DSP: variants seen among roughly 807,000 people sequenced by gnomAD.
DSP encodes desmoplakin, also known as 250/210 kDa paraneoplastic pemphigus antigen.
DSP carries 114 observed loss-of-function variants against 290.6 expected under a neutral mutation model. That is an observed-to-expected ratio of 0.39 (90% CI 0.34 to 0.46). The LOEUF (loss-of-function observed/expected upper bound fraction) is 0.46. DSP is among the 20% of genes least tolerant of loss of function. The pLI is 0.99. For missense variants in DSP, 3,230 were observed against 3,495.8 expected, an observed-to-expected ratio of 0.92 and a Z score of 1.92; for synonymous variants, 1,311 against 1,316.4, an observed-to-expected ratio of 1.00 and a Z score of 0.09.
At chr6:7,548,097 TCTCTAC>T (rs1198052278) in intron 1 of DSP, among the ~76,000 whole-genome samples, 12 of 151,974 alleles carry the variant, frequency 7.9e-5, no homozygotes, top group Admixed American at 5.2e-4. Context: ...TGAAACCCCG[TCTCTAC>T]TAAAAATACA....
At position 7,563,867 on chromosome 6, in the gene DSP, TGGC is replaced by T. The variant is rs545119318; in HGVS notation, c.777+84_777+86del. 272 of 1,293,076 alleles carry T rather than the reference TGGC, an allele frequency of 2.1e-4. No homozygotes were observed. In the East Asian group the frequency reaches 5.6e-3, roughly 27 times the overall value. The allele number at this position is 1,293,076 out of a possible 1,614,324, so 80.1% of individuals were successfully genotyped here. On this transcript the variant is annotated intron_variant, in intron 6 of 23. Coordinates refer to ENST00000379802, the MANE Select transcript of DSP (RefSeq NM_004415.4). The stretch of plus-strand genomic sequence containing the variant: ...AGTTCAAGAAATATCAAGCACATCC[TGGC>T]GGGGAGGCACCTGTTCATCGATGCT...
intron 1 of DSP, among the ~76,000 whole-genome samples, chr6:7,552,659 GTTGT>G (rs145189307): frequency 0.15 from 18,706 of 127,828 alleles, 1,461 homozygotes; most frequent in African/African-American, 0.27. Flanking sequence ...AAAGTTACCT[GTTGT>G]TTTTTTTTTT....
chr6:7,568,394 A>G, intron 10 of DSP, 43 bp from the exon 11 acceptor site: 1 of 1,608,928 alleles, frequency 6.2e-7, no homozygotes, highest in Non-Finnish European at 8.5e-7. Flanking sequence ...TCTAAAACTC[A>G]CAGGGTATCT....
Position 7,584,312 on chromosome 6 carries a change from G to T in DSP, c.7050G>T (p.Leu2350Phe). Residue 2350 changes from leucine (L) to phenylalanine (F), a missense_variant, in exon 24 of 24, where the codon TTG (leucine) becomes TTT (phenylalanine). Leu to Phe is a conservative substitution (Grantham distance 22). Around this residue, in one of 5 missense-constraint regions of DSP, gnomAD observed 207 missense variants for 281.2 expected, o/e 0.74. Coordinates refer to ENST00000379802, the MANE Select transcript of DSP (RefSeq NM_004415.4). The surrounding 1 kb of genome is among the most constrained non-coding windows in gnomAD (Gnocchi z 6.4). The part of the protein sequence containing the change: ...NDPETGNIIS[L>F]FQAMNKELIE... ...CTGAAACAGGAAACATCATCTCTTT[G>T]TTCCAAGCCATGAATAAGGAACTCA... 1 of 1,614,140 alleles carries T rather than the reference G, an allele frequency of 6.2e-7. No individual in the cohort carries two copies. Among genetic ancestry groups the T allele is most frequent in the Non-Finnish European group, 8.5e-7 (1 of 1,180,034 alleles).
intron 8 of DSP, 98 bp from the exon 9 acceptor site, chr6:7,567,256 A>G: frequency 2.1e-6 from 2 of 958,736 alleles, no homozygotes; most frequent in Non-Finnish European, 3.4e-6. Context: ...TGAGATAAAA[A>G]CTGCTTACTA....
intron 1 of DSP, among the ~76,000 whole-genome samples, chr6:7,550,925 AC>A (rs879587007): frequency 9.9e-5 from 15 of 151,976 alleles, no homozygotes; most frequent in Admixed American, 9.8e-4. Context: ...AACCCCTAAC[AC>A]CCATATGTAG....
At position 7,582,774 on chromosome 6, in the gene DSP, C is replaced by T. The variant is rs756481791; in HGVS notation, c.5512C>T (p.Arg1838Cys). 11 of 1,613,850 alleles carry T rather than the reference C, an allele frequency of 6.8e-6. No homozygotes were observed. Among genetic ancestry groups the T allele is most frequent in the South Asian group, 3.3e-5 (3 of 91,052 alleles). The change falls in exon 24 of 24, where the codon CGT (arginine) becomes TGT (cysteine). Residue 1838 changes from arginine to cysteine, a missense_variant. Transcript: ENST00000379802. This position sits in a 1 kb window ranked among gnomAD's most constrained non-coding sequence, Gnocchi z 4.2. Reference sequence around the variant, plus strand: ...GCAGAGGCTGGAGGATGAGCTGAATCGTGCAAAATCAACTCTAGAGGCAGA... The same window carrying T: ...GCAGAGGCTGGAGGATGAGCTGAATTGTGCAAAATCAACTCTAGAGGCAGA... ...RLQRLEDELNRAKSTLEAETR... is the reference protein window; with the variant it reads ...RLQRLEDELNCAKSTLEAETR...
intron 15 of DSP, 40 bp from the exon 16 acceptor site, chr6:7,574,046 A>G (rs1759147332): frequency 6.2e-7 from 1 of 1,609,850 alleles, no homozygotes; most frequent in East Asian, 2.2e-5. Flanking sequence ...TAATAAAAAG[A>G]ATCAGCTAAA....
intron 1 of DSP, among the ~76,000 whole-genome samples, chr6:7,550,371 A>G (rs997999899): frequency 6.6e-6 from 1 of 152,134 alleles, no homozygotes; most frequent in Non-Finnish European, 1.5e-5. Flanking sequence ...TGTATTTTTA[A>G]AAATAATATT....
In DSP at chr6:7,577,795, T is replaced by C. The variant is rs1581813405; in HGVS notation, c.2894T>C (p.Leu965Pro). Residue 965 changes from leucine (L) to proline (P), a missense_variant, in exon 21 of 24, where the codon CTG (leucine) becomes CCG (proline). Physicochemically the swap from Leu to Pro is moderately conservative, Grantham distance 98 (BLOSUM62 -3). Coordinates refer to ENST00000379802, the MANE Select transcript of DSP (RefSeq NM_004415.4). ...ANSIKDYELQ[L>P]ASYTSGLETL... ...ATGCTGCAGGATTATGAGCTCCAGC[T>C]GGCCTCATACACCTCAGGACTGGAA... is the stretch of plus-strand genomic sequence containing the variant. 2 of 1,613,976 alleles carry C rather than the reference T, an allele frequency of 1.2e-6. No individual in the cohort carries two copies. The highest frequency in any genetic ancestry group is 1.7e-6 in the Non-Finnish European group (2 of 1,179,838).
intron 15 of DSP, among the ~76,000 whole-genome samples, chr6:7,572,991 G>A (rs1267024270): frequency 2.6e-5 from 4 of 152,154 alleles, no homozygotes; most frequent in African/African-American, 9.7e-5. Flanking sequence ...GGGGCTGGAT[G>A]CAGGGGCACA....
chr6:7,564,199 T>C (rs1424953204), intron 6 of DSP, among the ~76,000 whole-genome samples: 2 of 152,224 alleles, frequency 1.3e-5, no homozygotes, highest in Non-Finnish European at 2.9e-5. Context: ...CAAGAAAACG[T>C]TGCCACTTGT....
chr6:7,583,590 G>C lies in DSP; in HGVS notation c.6328G>C (p.Ala2110Pro). The C allele has an allele frequency of 6.2e-7, 1 of 1,614,152 alleles. No individual in the cohort carries two copies. The highest frequency in any genetic ancestry group is 8.5e-7 in the Non-Finnish European group (1 of 1,180,042). ...FSGKTVSVSEAIKKNLIDRET... is the reference protein window; with the variant it reads ...FSGKTVSVSEPIKKNLIDRET... ...AGGCAAGACAGTATCTGTTTCAGAA[G>C]CCATCAAGAAAAATTTGATTGATAG... Residue 2110 changes from alanine (A) to proline (P), a missense_variant, in exon 24 of 24, where the codon GCC (alanine) becomes CCC (proline). Physicochemically the swap from Ala to Pro is conservative, Grantham distance 27. Coordinates refer to ENST00000379802, the MANE Select transcript of DSP (RefSeq NM_004415.4). The surrounding 1 kb of genome is among the most constrained non-coding windows in gnomAD (Gnocchi z 4.0).
intron 3 of DSP, 124 bp downstream of exon 3, chr6:7,558,388 T>G: frequency 7.9e-5 from 110 of 1,385,580 alleles, no homozygotes; most frequent in Non-Finnish European, 9.7e-5. Flanking sequence ...AAGGAAAGGT[T>G]TGCTTACTTG....
chr6:7,568,295 C>A, intron 10 of DSP, 142 bp from the exon 11 acceptor site: 3 of 934,080 alleles, frequency 3.2e-6, no homozygotes, highest in South Asian at 1.5e-5. Context: ...ATGTTTCCTG[C>A]CGACGAATTT....
chr6:7,579,251 A>G lies in DSP; in HGVS notation c.3085-24A>G. The stretch of plus-strand genomic sequence containing the variant: ...GAATGTGAGGTGTTTTTCTTTTGAC[A>G]TAATCTCTGATTTCATTCCACAGCT... On this transcript the variant is annotated intron_variant, in intron 22 of 23. Coordinates refer to ENST00000379802, the MANE Select transcript of DSP (RefSeq NM_004415.4). This position sits in a 1 kb window ranked among gnomAD's most constrained non-coding sequence, Gnocchi z 4.1. 6.2e-7 allele frequency: 1 copy of G among 1,613,520 alleles called. No homozygotes were observed. Among genetic ancestry groups the G allele is most frequent in the Non-Finnish European group, 8.5e-7 (1 of 1,179,734 alleles).
intron 16 of DSP, 145 bp from the exon 17 acceptor site, chr6:7,574,512 C>T: frequency 1.7e-6 from 2 of 1,207,228 alleles, no homozygotes; most frequent in Non-Finnish European, 1.2e-6. Context: ...AAATGTTGGT[C>T]TGAATCACAA....
rs397516915 is a variant in DSP at position 7,568,443 on chromosome 6, C to T, written c.1273C>T (p.Arg425Ter). The T allele has an allele frequency of 2.5e-6, 4 of 1,613,976 alleles. No homozygotes were observed. The highest frequency in any genetic ancestry group is 3.4e-6 in the Non-Finnish European group (4 of 1,179,998). Residue 425 changes from arginine to a stop codon, truncating the protein, a stop_gained, in exon 11 of 24, where the codon CGA becomes TGA. Coordinates refer to ENST00000379802, the MANE Select transcript of DSP (RefSeq NM_004415.4). LOFTEE classifies it high-confidence loss of function. The part of the protein sequence containing the change: ...LEQIKELEKE[R>*]EKILEYKRQV... ...ATTTTATTCACCATTGCAGAAAGAACGAGAGAAAATCCTTGAATACAAGCG... is the reference window on the plus strand; with the variant it reads ...ATTTTATTCACCATTGCAGAAAGAATGAGAGAAAATCCTTGAATACAAGCG...
intron 23 of DSP, among the ~76,000 whole-genome samples, chr6:7,581,819 T>C (rs879343694): frequency 1.3e-5 from 2 of 152,246 alleles, no homozygotes; most frequent in Non-Finnish European, 2.9e-5. Context: ...GCCCTGCTTT[T>C]AAGAACACTA....
Sources: allele counts gnomAD v4.1 joint callset (sites outside exome capture counted in the v4.1 genomes callset), GRCh38; gene constraint gnomAD v4.1.1; regional missense constraint gnomAD v4.1.1; non-coding constraint Gnocchi (gnomAD v3.1); transcripts MANE v1.5; gene names NCBI Gene and HGNC (gene_info 2026-07-23, HGNC 2026-07-21).